The following ASIC2 variants were observed in gnomAD, a reference collection of about 807,000 sequenced individuals.
The protein encoded by ASIC2 is acid sensing ion channel subunit 2.
In ASIC2, 25 loss-of-function variants were observed where a neutral mutation model predicts 57.3. That is an observed-to-expected ratio of 0.44 (90% CI 0.32 to 0.61). ASIC2 has a LOEUF of 0.61. ASIC2 is among the 20% of genes least tolerant of loss of function. The pLI, the probability that ASIC2 is intolerant of heterozygous loss-of-function variation, is 0.06. For synonymous variants in ASIC2, 319 were observed against 307.5 expected, an observed-to-expected ratio of 1.04 and a Z score of -0.39; for missense variants, 641 against 738.1, an observed-to-expected ratio of 0.87 and a Z score of 1.52.
At chr17:33,938,413 C>T (rs1459275376) in intron 1 of ASIC2, among the ~76,000 whole-genome samples, 1 of 152,190 alleles carries the variant, frequency 6.6e-6, no homozygotes, top group African/African-American at 2.4e-5. Context: ...CTGGTGAGGG[C>T]TCTGAACCCT....
intron 1 of ASIC2, among the ~76,000 whole-genome samples, chr17:33,218,382 T>C (rs564768021): frequency 6.6e-6 from 1 of 152,338 alleles, no homozygotes; most frequent in African/African-American, 2.4e-5. Context: ...GCTGACAGCC[T>C]GTGTTCTATT....
At chr17:33,729,050 C>G (rs1446652232) in intron 1 of ASIC2, among the ~76,000 whole-genome samples, 1 of 152,102 alleles carries the variant, frequency 6.6e-6, no homozygotes, top group Non-Finnish European at 1.5e-5. Flanking sequence ...AAATCACCTG[C>G]ATTAGTCAAT....
At chr17:33,760,791 A>G (rs9901559) in intron 1 of ASIC2, among the ~76,000 whole-genome samples, 20,029 of 152,028 alleles carry the variant, frequency 0.13, 2,102 homozygotes, top group East Asian at 0.56. Context: ...TTGAATATTT[A>G]GACTTATGGT....
chr17:33,944,573 AG>A (rs1425288618), intron 1 of ASIC2, among the ~76,000 whole-genome samples: 1 of 152,166 alleles, frequency 6.6e-6, no homozygotes, highest in Non-Finnish European at 1.5e-5. Context: ...AAGGTGAGTC[AG>A]GGGAGCGCCA....
At chr17:33,854,617 A>G (rs1177141289) in intron 1 of ASIC2, among the ~76,000 whole-genome samples, 6 of 152,140 alleles carry the variant, frequency 3.9e-5, no homozygotes, top group African/African-American at 1.4e-4. Context: ...CGGCTTCTTT[A>G]CAGGAGCAAG....
chr17:33,891,064 C>T lies in ASIC2; in HGVS notation c.555+264914G>A, dbSNP rs576971067. ...TGATTATAAGTTTCCGGCTTTGGTG[C>T]CTGATGTAGAGGAGTGGGTGGCTGG... On this transcript the variant is annotated intron_variant, in intron 1 of 9. Transcript: ENST00000359872. Among the ~76,000 whole-genome samples the T allele has an allele frequency of 2.6e-5, 4 of 152,252 alleles. No homozygotes were observed. The East Asian group carries it at 7.7e-4, about 29-fold the overall frequency.
intron 1 of ASIC2, among the ~76,000 whole-genome samples, chr17:33,553,922 A>G (rs536670977): frequency 1.3e-5 from 2 of 152,234 alleles, no homozygotes; most frequent in Non-Finnish European, 2.9e-5. Flanking sequence ...ATTGTTCTGC[A>G]TGAGGCAGGT....
Position 33,208,683 on chromosome 17 carries a change from T to C in ASIC2, c.708+82725A>G, listed in dbSNP as rs1398107940. Among the ~76,000 whole-genome samples the C allele has an allele frequency of 3.3e-5, 5 of 151,706 alleles. No homozygotes were observed. In the East Asian group the frequency reaches 5.8e-4, roughly 18 times the overall value. On this transcript the variant is annotated intron_variant, in intron 1 of 9. Transcript: ENST00000225823. Reference sequence around the variant, plus strand: ...ATATTTGCTTATTATTATTATTATATTTATTATTATTATTAACTTGTTCTC... The same window carrying C: ...ATATTTGCTTATTATTATTATTATACTTATTATTATTATTAACTTGTTCTC...
intron 1 of ASIC2, among the ~76,000 whole-genome samples, chr17:34,084,817 G>C (rs970547487): frequency 5.1e-4 from 77 of 152,196 alleles, no homozygotes; most frequent in African/African-American, 1.8e-3. Context: ...GTGAATGGGA[G>C]TTCACTCATG....
chr17:34,069,100 G>A (rs1909283274), intron 1 of ASIC2, among the ~76,000 whole-genome samples: 1 of 152,108 alleles, frequency 6.6e-6, no homozygotes, highest in Non-Finnish European at 1.5e-5. Context: ...GGTCACCTTG[G>A]TGGCTCGAAA....
chr17:34,000,027 T>C (rs1906283081), intron 1 of ASIC2, among the ~76,000 whole-genome samples: 1 of 151,458 alleles, frequency 6.6e-6, no homozygotes, highest in South Asian at 2.1e-4. Context: ...TTAAGTATAG[T>C]ATTTTTGGTT....
Position 33,369,557 on chromosome 17 carries a change from G to A in ASIC2, c.556-257490C>T, listed in dbSNP as rs546907269. On this transcript the variant is annotated intron_variant, in intron 1 of 9. Coordinates refer to the ASIC2 transcript ENST00000359872. ...GCACAGGAAGACACTTTAATTGAAA[G>A]CATAGCACATGCCATGCTGGGTACT... Among the ~76,000 whole-genome samples, 4 of 152,302 alleles carry A rather than the reference G, an allele frequency of 2.6e-5. No individual in the cohort carries two copies. In the East Asian group the frequency reaches 7.7e-4, roughly 29 times the overall value.
intron 1 of ASIC2, among the ~76,000 whole-genome samples, chr17:33,934,617 A>G (rs1330220413): frequency 6.6e-6 from 1 of 152,216 alleles, no homozygotes; most frequent in African/African-American, 2.4e-5. Context: ...GGCAAGGCCA[A>G]TGCTGCCAAT....
chr17:34,101,301 T>C (rs1401077888), intron 1 of ASIC2, among the ~76,000 whole-genome samples: 4 of 152,228 alleles, frequency 2.6e-5, no homozygotes, highest in African/African-American at 9.7e-5. Flanking sequence ...ACTAGTAATG[T>C]AGTGTTGCCA....
chr17:33,799,442 C>CTTTCTTTCTTA (rs1912051896), intron 1 of ASIC2, among the ~76,000 whole-genome samples: 10 of 68,206 alleles, frequency 1.5e-4, no homozygotes, highest in African/African-American at 5.3e-4. Flanking sequence ...TTCTTTCTTT[C>CTTTCTTTCTTA]TTTCTTTCTT....
chr17:33,911,322 G>C (rs886930252), intron 1 of ASIC2, among the ~76,000 whole-genome samples: 2 of 152,184 alleles, frequency 1.3e-5, no homozygotes, highest in African/African-American at 2.4e-5. Context: ...TGGACACCTG[G>C]CTCCATCATG....
At chr17:33,051,481 G>T (rs533718350) in intron 3 of ASIC2, among the ~76,000 whole-genome samples, 1 of 152,204 alleles carries the variant, frequency 6.6e-6, no homozygotes, top group East Asian at 1.9e-4. Context: ...GTCATTTCCT[G>T]GAAGCTTTAC....
At chr17:33,388,150 A>G (rs1398521014) in intron 1 of ASIC2, among the ~76,000 whole-genome samples, 1 of 152,164 alleles carries the variant, frequency 6.6e-6, no homozygotes, top group Non-Finnish European at 1.5e-5. Flanking sequence ...AAACAAGGCA[A>G]TGTGATCACT....
At chr17:33,679,162 CAA>C (rs1267961170) in intron 1 of ASIC2, among the ~76,000 whole-genome samples, 1 of 152,112 alleles carries the variant, frequency 6.6e-6, no homozygotes, top group Non-Finnish European at 1.5e-5. Context: ...GGTACAGAAA[CAA>C]ATAACACGTG....
Sources: allele counts gnomAD v4.1 joint callset (sites outside exome capture counted in the v4.1 genomes callset), GRCh38; gene constraint gnomAD v4.1.1; transcripts MANE v1.5; gene names NCBI Gene and HGNC (gene_info 2026-07-23, HGNC 2026-07-21).